MKLN1: variants seen among roughly 807,000 people sequenced by gnomAD.
MKLN1 encodes the protein muskelin 1, also known as muskelin.
In MKLN1, 18 loss-of-function variants were observed where a neutral mutation model predicts 99.0. The observed-to-expected ratio is 0.18, with a 90% CI of 0.13 to 0.27. The LOEUF is 0.27. Among genes scored for constraint, MKLN1 ranks in the 10% least tolerant of loss-of-function variants. The pLI is 1.00. For missense variants in MKLN1, 621 were observed against 875.9 expected, an observed-to-expected ratio of 0.71 and a Z score of 3.67; for synonymous variants, 288 against 293.2, an observed-to-expected ratio of 0.98 and a Z score of 0.18.
At chr7:131,431,752 G>A (rs1237078847) in intron 9 of MKLN1, among the ~76,000 whole-genome samples, 1 of 152,052 alleles carries the variant, frequency 6.6e-6, no homozygotes, top group Non-Finnish European at 1.5e-5. Flanking sequence ...ACTTCCTTTT[G>A]CTTAGAGTAA....
At chr7:131,199,154 A>G (rs1490734927) in intron 2 of MKLN1, among the ~76,000 whole-genome samples, 1 of 152,098 alleles carries the variant, frequency 6.6e-6, no homozygotes, top group East Asian at 1.9e-4. Flanking sequence ...GGATTTGCCC[A>G]AGGAAACATA....
rs1012744397 is a variant in MKLN1 at position 131,112,267 on chromosome 7, G to T, written c.-419+2060G>T. On this transcript the variant is annotated intron_variant, in intron 1 of 7. Coordinates refer to the MKLN1 transcript ENST00000416992. ...AGTGCTGGACTAAAGGATTTCTAAGGTTCCTCCCATTTACAAACTTCTGTG... is the reference window on the plus strand; with the variant it reads ...AGTGCTGGACTAAAGGATTTCTAAGTTTCCTCCCATTTACAAACTTCTGTG... Among the ~76,000 whole-genome samples, 4 of 152,310 alleles carry T rather than the reference G, an allele frequency of 2.6e-5. 1 individual carries two copies. Among genetic ancestry groups the T allele is most frequent in the African/African-American group, 4.8e-5 (2 of 41,554 alleles).
chr7:131,164,738 A>G (rs970369909), intron 2 of MKLN1, among the ~76,000 whole-genome samples: 1 of 152,246 alleles, frequency 6.6e-6, no homozygotes, highest in Non-Finnish European at 1.5e-5. Context: ...TGAGATGACA[A>G]TGAATCATAG....
intron 3 of MKLN1, among the ~76,000 whole-genome samples, chr7:131,227,495 C>CTTTCTCTTTCTTTCTTTCTT (rs767797052): frequency 2.6e-5 from 3 of 115,710 alleles, no homozygotes; most frequent in African/African-American, 1.0e-4. Context: ...CTCTTTCTTT[C>CTTTCTCTTTCTTTCTTTCTT]TCTTTCTTTC....
chr7:131,406,218 G>A (rs1794702318), intron 6 of MKLN1, among the ~76,000 whole-genome samples: 1 of 151,610 alleles, frequency 6.6e-6, no homozygotes, highest in South Asian at 2.1e-4. Context: ...TATTTGTATG[G>A]CATATCTTTT....
rs186227270 is a variant in MKLN1 at position 131,195,660 on chromosome 7, A to G, written c.-296-7197A>G. 3.1e-3 allele frequency among the ~76,000 whole-genome samples: 476 copies of G among 151,960 alleles called. 16 individuals carry two copies. Among genetic ancestry groups the G allele is most frequent in the Admixed American group, 0.027 (416 of 15,258 alleles). ...TTCATATGTGTTTGGGAGACTGTTA[A>G]TAGTAGTTTCGGCTGGGCCCGGTGG... On this transcript the variant is annotated intron_variant, in intron 2 of 7. Coordinates refer to the MKLN1 transcript ENST00000416992.
At chr7:131,127,516 G>A (rs1795483064) in intron 1 of MKLN1, among the ~76,000 whole-genome samples, 1 of 152,228 alleles carries the variant, frequency 6.6e-6, no homozygotes, top group South Asian at 2.1e-4. Flanking sequence ...CACTGAACAT[G>A]TGTGTCACAG....
rs35412933 is a variant in MKLN1 at position 131,178,279 on chromosome 7, C to CTTT, written c.-296-24551_-296-24549dup. On this transcript the variant is annotated intron_variant, in intron 2 of 7. Coordinates refer to the MKLN1 transcript ENST00000416992. ...TTACAGGCGCCTGCCACATGCCCGG[C>CTTT]TTTTTTTTTTTTTTTTTTTTTTTTT... Among the ~76,000 whole-genome samples, 31 of 72,554 alleles carry CTTT rather than the reference C, an allele frequency of 4.3e-4. 1 individual carries two copies. The highest frequency in any genetic ancestry group is 6.4e-4 in the Non-Finnish European group (23 of 36,048). 47.6% of individuals were successfully genotyped at this position (72,554 alleles called of 152,430 possible). A position where few individuals can be genotyped will look rare whatever the true frequency, so the allele number is the denominator to read the frequency against.
rs777538761 is a variant in MKLN1, at chr7:131,342,205, A to G, written c.98+14208A>G. On this transcript the variant is annotated intron_variant, in intron 1 of 17. Coordinates refer to ENST00000352689, the MANE Select transcript of MKLN1 (RefSeq NM_013255.5). ...GTAGTGTCAAGAAACCGTTTAATGC[A>G]TATGAATTGAAGCCCTGTAAGGAAA... 1.1e-4 allele frequency among the ~76,000 whole-genome samples: 17 copies of G among 151,998 alleles called. No homozygotes were observed. In the South Asian group the frequency reaches 2.1e-3, roughly 19 times the overall value.
At chr7:131,355,461 A>G (rs1273239046) in intron 1 of MKLN1, among the ~76,000 whole-genome samples, 1 of 151,706 alleles carries the variant, frequency 6.6e-6, no homozygotes, top group East Asian at 1.9e-4. Context: ...ATATATATGT[A>G]TATATCAGGA....
At chr7:131,355,642 A>G (rs2116780412) in intron 1 of MKLN1, among the ~76,000 whole-genome samples, 1 of 147,428 alleles carries the variant, frequency 6.8e-6, no homozygotes, top group East Asian at 2.0e-4. Context: ...ATATATATAT[A>G]TATATATGCT....
At chr7:131,141,261 T>C (rs1011398361) in intron 1 of MKLN1, among the ~76,000 whole-genome samples, 4 of 152,244 alleles carry the variant, frequency 2.6e-5, no homozygotes, top group African/African-American at 9.6e-5. Flanking sequence ...GCTGTTGCTC[T>C]GAATGTTCCC....
intron 3 of MKLN1, among the ~76,000 whole-genome samples, chr7:131,292,008 G>A (rs1033336176): frequency 1.1e-4 from 17 of 152,026 alleles, no homozygotes; most frequent in East Asian, 1.9e-4. Context: ...TCAGGGGGCC[G>A]AGGTGGGAGG....
intron 2 of MKLN1, among the ~76,000 whole-genome samples, chr7:131,188,163 A>G (rs916160075): frequency 6.6e-6 from 1 of 152,332 alleles, no homozygotes; most frequent in Admixed American, 6.5e-5. Flanking sequence ...AGTGTGTGAT[A>G]AACATGAATA....
chr7:131,154,966 G>A (rs1240601922), intron 2 of MKLN1, among the ~76,000 whole-genome samples: 1 of 152,120 alleles, frequency 6.6e-6, no homozygotes, highest in African/African-American at 2.4e-5. Context: ...CTGATTCACT[G>A]CATTAATAGT....
At chr7:131,260,014 T>C (rs944810359) in intron 3 of MKLN1, among the ~76,000 whole-genome samples, 1 of 151,656 alleles carries the variant, frequency 6.6e-6, no homozygotes, top group African/African-American at 2.4e-5. Flanking sequence ...CAGCAAAGTT[T>C]CAGGATACAA....
chr7:131,275,532 C>CTGAT (rs1314319027), intron 3 of MKLN1, among the ~76,000 whole-genome samples: 1 of 74,222 alleles, frequency 1.3e-5, no homozygotes, highest in African/African-American at 6.4e-5. Context: ...CAACGCCCAG[C>CTGAT]TGATATATAT....
chr7:131,375,952 C>T (rs1034174603), intron 2 of MKLN1, among the ~76,000 whole-genome samples: 5 of 150,122 alleles, frequency 3.3e-5, no homozygotes, highest in African/African-American at 1.2e-4. Context: ...ATCAGTCTTT[C>T]AGTTATATGC....
intron 15 of MKLN1, among the ~76,000 whole-genome samples, chr7:131,468,966 A>G (rs1486895768): frequency 1.3e-5 from 2 of 152,196 alleles, no homozygotes; most frequent in African/African-American, 4.8e-5. Context: ...CCTTCTCAGC[A>G]TTTGAACGGT....
Sources: allele counts gnomAD v4.1 joint callset (sites outside exome capture counted in the v4.1 genomes callset), GRCh38; gene constraint gnomAD v4.1.1; transcripts MANE v1.5; gene names NCBI Gene and HGNC (gene_info 2026-07-23, HGNC 2026-07-21).